The following WDR49 variants were observed in gnomAD, a reference collection of about 807,000 sequenced individuals.
The protein encoded by WDR49 is cilia- and flagella-associated protein 337.
Under a neutral mutation model 119.5 loss-of-function variants are expected in WDR49, and 107 were observed. That is an observed-to-expected ratio of 0.90 (90% confidence interval 0.77 to 1.05). The LOEUF (loss-of-function observed/expected upper bound fraction) is 1.05, where lower values mean the gene tolerates loss of function less well. WDR49 is among the 50% of genes least tolerant of loss of function. The pLI is 0.00. For synonymous variants in WDR49, 425 were observed against 418.8 expected (o/e 1.01, Z -0.18); for missense variants, 1,240 against 1,220.5 (o/e 1.02, Z -0.24).
intron 15 of WDR49, 27 bp from the exon 16 acceptor site, chr3:167,522,511 A>C (rs758452243): frequency 4.4e-6 from 7 of 1,576,926 alleles, no homozygotes; most frequent in African/African-American, 1.4e-5. Context: ...CATCTGTTTT[A>C]TTTTTATGAA....
intron 16 of WDR49, among the ~76,000 whole-genome samples, chr3:167,517,960 C>T (rs1434920202): frequency 1.3e-5 from 2 of 151,962 alleles, no homozygotes; most frequent in African/African-American, 4.8e-5. Flanking sequence ...CTTCAATTCC[C>T]ACCTATGAGT....
At chr3:167,500,362 T>C (rs1751515874) in intron 17 of WDR49, 63 bp from the exon 18 acceptor site, 1 of 1,562,938 alleles carries the variant, frequency 6.4e-7, no homozygotes, top group African/African-American at 1.4e-5. Context: ...ATTAACTCCT[T>C]GGAAAGAGCC....
At chr3:167,639,587 TA>T (rs1266863536) in intron 2 of WDR49, among the ~76,000 whole-genome samples, 1 of 151,830 alleles carries the variant, frequency 6.6e-6, no homozygotes, top group African/African-American at 2.4e-5. Flanking sequence ...TGATAAAAGC[TA>T]TCTATTTAGA....
Position 167,602,174 on chromosome 3 carries a change from G to A in WDR49, c.1228C>T (p.Gln410Ter). 6.2e-7 allele frequency: 1 copy of A among 1,603,152 alleles called. No homozygotes were observed. Among genetic ancestry groups the A allele is most frequent in the Non-Finnish European group, 8.5e-7 (1 of 1,172,268 alleles). The change falls in exon 7 of 19, where the codon CAA becomes TAA. Residue 410 changes from glutamine to a stop codon, truncating the protein, a stop_gained. Transcript: ENST00000682715. LOFTEE classifies it high-confidence loss of function. Reference protein sequence around the residue: ...WGHSASVIAVQFFVERKQLFS... With the variant: ...WGHSASVIAV ...AGTTGTTTTCTTTCCACAAAGAATT[G>A]GACGGCTATTACACTGGCTGAGTGG...
chr3:167,527,761 C>A, intron 15 of WDR49, 59 bp downstream of exon 15: 1 of 1,503,406 alleles, frequency 6.7e-7, no homozygotes, highest in Admixed American at 2.0e-5. Context: ...TAGAAATCAG[C>A]CCAAGTTAAT....
chr3:167,503,301 C>T (rs1468871394), intron 17 of WDR49, among the ~76,000 whole-genome samples: 1 of 152,234 alleles, frequency 6.6e-6, no homozygotes, highest in Non-Finnish European at 1.5e-5. Flanking sequence ...GGGCATAGCC[C>T]TCACAGAGAA....
In WDR49 at chr3:167,529,405, C is replaced by T. The variant is rs151229925; in HGVS notation, c.2219-166G>A. ...TTTCTCAAATATAAAATGGAGGTGA[C>T]GCTATGATAACCTCACTGGTTTGTG... is the stretch of plus-strand genomic sequence containing the variant. On this transcript the variant is annotated intron_variant, in intron 13 of 18. Coordinates refer to ENST00000682715, the MANE Select transcript of WDR49 (RefSeq NM_001366157.1). Among the ~76,000 whole-genome samples the T allele has an allele frequency of 7.2e-5, 11 of 152,146 alleles. No homozygotes were observed. The East Asian group carries it at 1.2e-3, about 16-fold the overall frequency.
At chr3:167,494,677 C>G (rs779088143) in intron 18 of WDR49, among the ~76,000 whole-genome samples, 1 of 152,068 alleles carries the variant, frequency 6.6e-6, no homozygotes, top group Non-Finnish European at 1.5e-5. Context: ...GAGAGACTCT[C>G]TCATGGGAAA....
chr3:167,653,593 G>T, intron 1 of WDR49, 94 bp from the exon 2 acceptor site: 6 of 723,696 alleles, frequency 8.3e-6, no homozygotes, highest in Non-Finnish European at 1.0e-5. Context: ...TTCAAGCTGA[G>T]GTAGGAAATG....
intron 7 of WDR49, among the ~76,000 whole-genome samples, chr3:167,590,279 A>T (rs1456395137): frequency 6.6e-6 from 1 of 152,030 alleles, no homozygotes; most frequent in Non-Finnish European, 1.5e-5. Context: ...ATGATTTTTT[A>T]AATGTGTTGT....
intron 15 of WDR49, among the ~76,000 whole-genome samples, chr3:167,522,688 G>A (rs994739570): frequency 3.9e-5 from 6 of 152,024 alleles, no homozygotes; most frequent in African/African-American, 1.4e-4. Context: ...AATAAAGGTA[G>A]AAAATGAGAT....
At chr3:167,644,652 T>G (rs1005885126) in intron 2 of WDR49, among the ~76,000 whole-genome samples, 3 of 152,168 alleles carry the variant, frequency 2.0e-5, no homozygotes, top group African/African-American at 7.2e-5. Flanking sequence ...ATGTATTTTT[T>G]TCTGTACTTC....
intron 7 of WDR49, among the ~76,000 whole-genome samples, chr3:167,578,452 A>G (rs1474677305): frequency 6.6e-6 from 1 of 152,122 alleles, no homozygotes; most frequent in Non-Finnish European, 1.5e-5. Context: ...ATGTGTGTGT[A>G]TATATGTGTG....
chr3:167,621,260 C>G (rs538838111), intron 4 of WDR49, among the ~76,000 whole-genome samples: 94 of 152,034 alleles, frequency 6.2e-4, no homozygotes, highest in African/African-American at 2.1e-3. Flanking sequence ...ACCAAAAAAA[C>G]AAACAAACCC....
chr3:167,614,458 T>C (rs1716502908), intron 5 of WDR49, among the ~76,000 whole-genome samples: 1 of 152,148 alleles, frequency 6.6e-6, no homozygotes, highest in African/African-American at 2.4e-5. Context: ...ACTGTCTATA[T>C]GAGGAGGAAA....
At chr3:167,533,853 G>A (rs71304637) in intron 11 of WDR49, among the ~76,000 whole-genome samples, 3 of 152,086 alleles carry the variant, frequency 2.0e-5, no homozygotes, top group Non-Finnish European at 2.9e-5. Flanking sequence ...AAGAGTTTGG[G>A]TGGGATGTAC....
chr3:167,539,502 C>T (rs556323491), intron 10 of WDR49, among the ~76,000 whole-genome samples: 2 of 152,222 alleles, frequency 1.3e-5, no homozygotes, highest in Admixed American at 6.5e-5. Context: ...CCTCTTCTGA[C>T]CTCTTAACAT....
chr3:167,506,139 T>C (rs1560256105), intron 16 of WDR49, among the ~76,000 whole-genome samples: 1 of 152,202 alleles, frequency 6.6e-6, no homozygotes, highest in Non-Finnish European at 1.5e-5. Context: ...CCTGGGGATC[T>C]TGACTCACCC....
intron 7 of WDR49, among the ~76,000 whole-genome samples, chr3:167,581,711 G>A (rs1473559464): frequency 1.3e-5 from 2 of 152,148 alleles, no homozygotes; most frequent in Admixed American, 1.3e-4. Context: ...ACATTTATAA[G>A]TAGATAACTT....
Sources: allele counts gnomAD v4.1 joint callset (sites outside exome capture counted in the v4.1 genomes callset), GRCh38; gene constraint gnomAD v4.1.1; transcripts MANE v1.5; gene names NCBI Gene and HGNC (gene_info 2026-07-23, HGNC 2026-07-21).